SPTAN1: variants seen among roughly 807,000 people sequenced by gnomAD.
SPTAN1 encodes spectrin alpha, non-erythrocytic 1.
A neutral mutation model predicts 331.3 loss-of-function variants in SPTAN1; 61 were observed. That is an observed-to-expected ratio of 0.18 (90% CI 0.15 to 0.23). The LOEUF is 0.23. Ranked by LOEUF, SPTAN1 falls within the 10% of genes least tolerant of loss-of-function variation. SPTAN1 has a pLI of 1.00. For synonymous variants in SPTAN1, 1,153 were observed against 1,173.9 expected (o/e 0.98, Z 0.36); for missense variants, 2,043 against 3,147.9 (o/e 0.65, Z 8.40).
In SPTAN1 at chr9:128,584,383, C is replaced by G. The variant is rs1589218766; in HGVS notation, c.2295C>G (p.Arg765=). The G allele has an allele frequency of 6.2e-7, 1 of 1,614,058 alleles. No homozygotes were observed. Among genetic ancestry groups the G allele is most frequent in the Non-Finnish European group, 8.5e-7 (1 of 1,180,042 alleles). The part of the protein sequence containing the change: ...IKKKQEALVA[R]YEALKEPMVA... ...AGAAACAGGAAGCCCTCGTGGCTCG[C>G]TATGAGGCACTCAAGGAGCCCATGG... The change falls in exon 17 of 57, where the codon CGC becomes CGG. Residue 765 remains arginine, a synonymous_variant. Coordinates refer to ENST00000372739, the MANE Select transcript of SPTAN1 (RefSeq NM_001130438.3).
rs781021400 is a variant in SPTAN1, at chr9:128,600,109, G to A, written c.3573G>A (p.Pro1191=). ...RDETDSKTAS[P]WKSARLMVHT... ...AAACTGATTCCAAGACAGCCTCCCC[G>A]TGGAAGGTAAGAACTCCTTTGCAAA... is the stretch of plus-strand genomic sequence containing the variant. Residue 1191 remains proline, a synonymous_variant, in exon 27 of 57, where the codon CCG becomes CCA. Transcript: ENST00000372739. The A allele has an allele frequency of 4.3e-6, 7 of 1,614,138 alleles. No individual in the cohort carries two copies. The highest frequency in any genetic ancestry group is 4.5e-5 in the East Asian group (2 of 44,892).
intron 43 of SPTAN1, 130 bp from the exon 44 acceptor site, chr9:128,618,741 C>A (rs1857491767): frequency 7.1e-7 from 1 of 1,413,054 alleles, no homozygotes; most frequent in African/African-American, 1.4e-5. Flanking sequence ...CCTCGGCCTC[C>A]CAAAGTGCTG....
rs545741634 is a variant in SPTAN1, at chr9:128,558,835, GGCTGTA to G, written c.-4+6142_-4+6147del. Among the ~76,000 whole-genome samples, 152 of 152,252 alleles carry G rather than the reference GGCTGTA, an allele frequency of 1.0e-3. No individual in the cohort carries two copies. The Middle Eastern group carries it at 0.01, about 10-fold the overall frequency. ...CAGTAACTGACAGTTTCGGGTGAGAGGCTGTAGCACCTTTGGATGGCAGGAATTCTT... is the reference window on the plus strand; with the variant it reads ...CAGTAACTGACAGTTTCGGGTGAGAGGCACCTTTGGATGGCAGGAATTCTT... On this transcript the variant is annotated intron_variant, in intron 1 of 56. Transcript: ENST00000372739.
In SPTAN1 at chr9:128,566,941, A is replaced by G; in HGVS notation, c.201A>G (p.Ala67=). 3.1e-6 allele frequency: 5 copies of G among 1,614,214 alleles called. No homozygotes were observed. Among genetic ancestry groups the G allele is most frequent in the Non-Finnish European group, 4.2e-6 (5 of 1,180,042 alleles). ...GGATACAGGAAAAACTTCAGATTGC[A>G]TCTGATGAGAATTATAAAGACCCAA... ...EKWIQEKLQI[A]SDENYKDPTN... Residue 67 remains alanine, a synonymous_variant, in exon 2 of 57, where the codon GCA becomes GCG. Coordinates refer to ENST00000372739, the MANE Select transcript of SPTAN1 (RefSeq NM_001130438.3).
chr9:128,570,328 ATATTTTTTTTT>A (rs372920597), intron 3 of SPTAN1, among the ~76,000 whole-genome samples: 26,961 of 71,860 alleles, frequency 0.38, 2,701 homozygotes, highest in Non-Finnish European at 0.44. Context: ...ATATATATAT[ATATTTTTTTTT>A]TTTTTTTTTT....
At chr9:128,598,190 C>T (rs570593613) in intron 24 of SPTAN1, among the ~76,000 whole-genome samples, 9 of 152,148 alleles carry the variant, frequency 5.9e-5, no homozygotes, top group South Asian at 2.1e-4. Context: ...TCAGGTGATC[C>T]GCCCACTTGG....
intron 3 of SPTAN1, 33 bp downstream of exon 3, chr9:128,568,930 T>C: frequency 6.2e-7 from 1 of 1,613,334 alleles, no homozygotes; most frequent in Middle Eastern, 1.7e-4. Flanking sequence ...GTGGATGGCT[T>C]CATCTGGGTG....
At position 128,618,866 on chromosome 9, in the gene SPTAN1, A is replaced by AT; in HGVS notation, c.5601-3dup. 1 of 1,614,008 alleles carries AT rather than the reference A, an allele frequency of 6.2e-7. No individual in the cohort carries two copies. Among genetic ancestry groups the AT allele is most frequent in the South Asian group, 1.1e-5 (1 of 91,076 alleles). On this transcript the variant is annotated splice_region_variant and splice_polypyrimidine_tract_variant and intron_variant, in intron 43 of 56. Coordinates refer to ENST00000372739, the MANE Select transcript of SPTAN1 (RefSeq NM_001130438.3). The stretch of plus-strand genomic sequence containing the variant: ...GCTGATTTTCTTCCTGTCTCCTGTA[A>AT]TTAGGGGTCAGCGGCTGGAAGAGTC...
intron 22 of SPTAN1, 113 bp from the exon 23 acceptor site, chr9:128,592,869 GT>G: frequency 1.0e-6 from 1 of 980,444 alleles, no homozygotes; most frequent in Non-Finnish European, 1.6e-6. Context: ...TAACTCCATA[GT>G]TTCCCAACAT....
At chr9:128,612,020 T>C in intron 38 of SPTAN1, 89 bp from the exon 39 acceptor site, 1 of 1,611,672 alleles carries the variant, frequency 6.2e-7, no homozygotes, top group Non-Finnish European at 8.5e-7. Flanking sequence ...TTTTCCATTC[T>C]CTTCTCTTAG....
Position 128,580,784 on chromosome 9 carries a change from G to T in SPTAN1, c.1324-138G>T. On this transcript the variant is annotated intron_variant, in intron 10 of 56. Transcript: ENST00000372739. ...GAACATGCACATACAAGTGAATGTTGTTTTTCCCCTTTTGCAAATCGGAAA... is the reference window on the plus strand; with the variant it reads ...GAACATGCACATACAAGTGAATGTTTTTTTTCCCCTTTTGCAAATCGGAAA... The T allele has an allele frequency of 3.4e-6, 4 of 1,175,436 alleles. No individual in the cohort carries two copies. In the South Asian group the frequency reaches 5.1e-5, roughly 15 times the overall value. 72.8% of individuals were successfully genotyped at this position (1,175,436 alleles called of 1,614,324 possible). A position where few individuals can be genotyped will look rare whatever the true frequency, so the allele number is the denominator to read the frequency against.
chr9:128,592,988 G>A lies in SPTAN1; in HGVS notation c.3161G>A (p.Arg1054His), dbSNP rs561564501. 20 of 1,607,312 alleles carry A rather than the reference G, an allele frequency of 1.2e-5. No homozygotes were observed. In the East Asian group the frequency reaches 2.2e-4, roughly 18 times the overall value. Residue 1054 changes from arginine to histidine, a missense_variant, in exon 23 of 57, where the codon CGC (arginine) becomes CAC (histidine). Physicochemically the swap from Arg to His is conservative, Grantham distance 29. This residue lies in a region of SPTAN1 where 1,038 missense variants were observed against 1,531.5 expected (regional missense o/e 0.68). Transcript: ENST00000372739. ...GCTGTGCCCCCTCTGTGCAGGACAC[G>A]CATAACTAAGGAGGCCGGCAGTGTA... Reference protein sequence around the residue: ...LRQEQIDNQTRITKEAGSVSL... With the variant: ...LRQEQIDNQTHITKEAGSVSL...
At chr9:128,592,912 C>T in intron 22 of SPTAN1, 71 bp from the exon 23 acceptor site, 1 of 1,427,156 alleles carries the variant, frequency 7.0e-7, no homozygotes, top group Non-Finnish European at 9.7e-7. Context: ...CCAGTCGGAG[C>T]TGCTGCCTTT....
chr9:128,625,824 C>G lies in SPTAN1; in HGVS notation c.6125C>G (p.Thr2042Ser). Residue 2042 changes from threonine (T) to serine (S), a missense_variant, in exon 48 of 57, where the codon ACT becomes AGT. This residue lies in a region of SPTAN1 where 256 missense variants were observed against 376.4 expected (regional missense o/e 0.68). Coordinates refer to ENST00000372739, the MANE Select transcript of SPTAN1 (RefSeq NM_001130438.3). The surrounding 1 kb of genome is among the most constrained non-coding windows in gnomAD (Gnocchi z 4.1). ...AFQQEGIANI[T>S]ALKDQLLAAK... ...CAGCAGGAAGGCATTGCCAACATCACTGCCCTCAAAGATCAGCTTCTCGCC... is the reference window on the plus strand; with the variant it reads ...CAGCAGGAAGGCATTGCCAACATCAGTGCCCTCAAAGATCAGCTTCTCGCC... 1.2e-6 allele frequency: 2 copies of G among 1,614,242 alleles called. No homozygotes were observed.
intron 27 of SPTAN1, among the ~76,000 whole-genome samples, chr9:128,600,831 T>C (rs1386906878): frequency 1.3e-5 from 2 of 151,554 alleles, no homozygotes; most frequent in Non-Finnish European, 2.9e-5. Context: ...CCTGGCAAAT[T>C]TTTGTATTTT....
chr9:128,613,313 C>T (rs1004330576), intron 39 of SPTAN1, 68 bp from the exon 40 acceptor site: 4 of 1,376,434 alleles, frequency 2.9e-6, no homozygotes, highest in Non-Finnish European at 4.1e-6. Flanking sequence ...CACTGGGCAA[C>T]CTGAATTTTC....
intron 21 of SPTAN1, among the ~76,000 whole-genome samples, chr9:128,589,402 C>CCTCA (rs1416501500): frequency 3.3e-5 from 5 of 151,288 alleles, no homozygotes; most frequent in Non-Finnish European, 7.4e-5. Flanking sequence ...CATTCTCCTG[C>CCTCA]CTCAGCCTCC....
chr9:128,588,773 G>A, intron 20 of SPTAN1, 36 bp from the exon 21 acceptor site: 1 of 1,613,046 alleles, frequency 6.2e-7, no homozygotes, highest in Non-Finnish European at 8.5e-7. Flanking sequence ...GCGCGGACGT[G>A]TTTTTACCAT....
At chr9:128,626,116 G>T (rs750471165) in intron 48 of SPTAN1, 138 bp downstream of exon 48, 30 of 1,138,696 alleles carry the variant, frequency 2.6e-5, no homozygotes, top group Non-Finnish European at 3.7e-5. Context: ...GGTGTGGCTG[G>T]CATCAATTAA....
Sources: gnomAD v4.1 joint callset for allele counts (sites outside exome capture counted in the v4.1 genomes callset) on GRCh38, gnomAD v4.1.1 for gene constraint, gnomAD v4.1.1 regional missense constraint, Gnocchi (gnomAD v3.1) non-coding constraint, MANE v1.5 for transcripts, NCBI Gene and HGNC (gene_info 2026-07-23, HGNC 2026-07-21) for gene names.